RFX7: variants seen among roughly 807,000 people sequenced by gnomAD.
The protein encoded by RFX7 is regulatory factor X7.
In RFX7, 26 loss-of-function variants were observed where a neutral mutation model predicts 111.8. The ratio of observed to expected loss-of-function variants is 0.23; its 90% CI spans 0.17 to 0.32. The LOEUF (loss-of-function observed/expected upper bound fraction) is 0.32, where lower values mean the gene tolerates loss of function less well. Ranked by LOEUF, RFX7 falls within the 10% of genes least tolerant of loss-of-function variation. The pLI, the probability that RFX7 is intolerant of heterozygous loss-of-function variation, is 1.00. For missense variants in RFX7, 1,573 were observed against 1,772.9 expected (o/e 0.89, Z 2.02); for synonymous variants, 624 against 624.4 (o/e 1.00, Z 0.01).
At chr15:56,154,076 A>C (rs1161095955) in intron 3 of RFX7, among the ~76,000 whole-genome samples, 1 of 152,204 alleles carries the variant, frequency 6.6e-6, no homozygotes, top group Non-Finnish European at 1.5e-5. Flanking sequence ...ACAACTTACA[A>C]GGGACGTGAA....
At chr15:56,098,953 G>C (rs1443895496) in intron 8 of RFX7, among the ~76,000 whole-genome samples, 1 of 152,080 alleles carries the variant, frequency 6.6e-6, no homozygotes, top group Non-Finnish European at 1.5e-5. Context: ...ATTCCAGTAT[G>C]ACCTAGAAGA....
chr15:56,220,600 T>C (rs1319826842), intron 2 of RFX7, among the ~76,000 whole-genome samples: 2 of 152,130 alleles, frequency 1.3e-5, no homozygotes, highest in Non-Finnish European at 2.9e-5. Flanking sequence ...GTCAGATGCA[T>C]AGTTTGCAAA....
At chr15:56,182,257 G>C (rs985593902) in intron 2 of RFX7, among the ~76,000 whole-genome samples, 2 of 151,562 alleles carry the variant, frequency 1.3e-5, no homozygotes, top group Admixed American at 1.3e-4. Flanking sequence ...CCATGAATTT[G>C]GTCCCTGGTG....
At chr15:56,112,116 GAAAAA>G (rs754438474) in intron 5 of RFX7, among the ~76,000 whole-genome samples, 1 of 95,720 alleles carries the variant, frequency 1.0e-5, no homozygotes, top group Non-Finnish European at 2.2e-5. Flanking sequence ...CTTTGCCCCA[GAAAAA>G]AAAAAAAAAA....
chr15:56,103,063 G>C (rs2041778675), intron 6 of RFX7, among the ~76,000 whole-genome samples: 1 of 151,334 alleles, frequency 6.6e-6, no homozygotes, highest in Non-Finnish European at 1.5e-5. Context: ...TTTAATATGG[G>C]CTTTAAATGG....
intron 5 of RFX7, among the ~76,000 whole-genome samples, chr15:56,141,382 A>T (rs2042390731): frequency 6.6e-6 from 1 of 151,802 alleles, no homozygotes; most frequent in Admixed American, 6.6e-5. Flanking sequence ...ACAAACAAAC[A>T]AACAAACAAA....
chr15:56,193,949 C>T (rs1269127575), intron 2 of RFX7, among the ~76,000 whole-genome samples: 2 of 151,978 alleles, frequency 1.3e-5, no homozygotes, highest in East Asian at 3.9e-4. Flanking sequence ...CACAAAAATA[C>T]CATGTAACAT....
chr15:56,166,350 A>G (rs2042781803), intron 3 of RFX7, among the ~76,000 whole-genome samples: 1 of 152,206 alleles, frequency 6.6e-6, no homozygotes, highest in Non-Finnish European at 1.5e-5. Context: ...CAAAATATAT[A>G]GCCCTCTTAA....
chr15:56,093,997 G>T lies in RFX7; in HGVS notation c.3731C>A (p.Ala1244Glu), dbSNP rs544258393. 11 of 1,613,932 alleles carry T rather than the reference G, an allele frequency of 6.8e-6. No homozygotes were observed. The highest frequency in any genetic ancestry group is 9.3e-6 in the Non-Finnish European group (11 of 1,179,860). The change falls in exon 10 of 10, where the codon GCA becomes GAA. Residue 1244 changes from alanine to glutamate, a missense_variant. Around this residue, in one of 7 missense-constraint regions of RFX7, gnomAD observed 411 missense variants for 478.1 expected, o/e 0.86. Transcript: ENST00000559447. ...AACATTGGTTATTTTTTTACTGTTTGCTTGCTTCTGAAGAGCGTTTGGGAA... is the reference window on the plus strand; with the variant it reads ...AACATTGGTTATTTTTTTACTGTTTTCTTGCTTCTGAAGAGCGTTTGGGAA... ...TAFPNALQKQ[A>E]NSKKITNVLL...
chr15:56,219,409 A>C (rs1043855710), intron 2 of RFX7, among the ~76,000 whole-genome samples: 2 of 152,132 alleles, frequency 1.3e-5, no homozygotes, highest in East Asian at 3.8e-4. Context: ...GTACACGTGC[A>C]GGTCTGTTAT....
intron 2 of RFX7, among the ~76,000 whole-genome samples, chr15:56,211,429 T>C (rs1303249733): frequency 6.6e-6 from 1 of 152,114 alleles, no homozygotes; most frequent in Non-Finnish European, 1.5e-5. Flanking sequence ...CAGACCTACA[T>C]GTAAAATGCA....
chr15:56,233,519 T>G (rs1330859720), intron 2 of RFX7, among the ~76,000 whole-genome samples: 1 of 151,916 alleles, frequency 6.6e-6, no homozygotes, highest in Non-Finnish European at 1.5e-5. Flanking sequence ...TAAGCTACAC[T>G]GCAAACTGGG....
chr15:56,233,872 C>T (rs1209727160), intron 2 of RFX7, among the ~76,000 whole-genome samples: 1 of 152,142 alleles, frequency 6.6e-6, no homozygotes, highest in Non-Finnish European at 1.5e-5. Flanking sequence ...TACATCGAAA[C>T]TTAACATGAG....
At chr15:56,218,982 A>G (rs1023634329) in intron 2 of RFX7, among the ~76,000 whole-genome samples, 1 of 152,220 alleles carries the variant, frequency 6.6e-6, no homozygotes, top group Non-Finnish European at 1.5e-5. Flanking sequence ...TAGATAAAAA[A>G]GTAGTGAGCA....
At chr15:56,130,800 C>CA (rs1441028734) in intron 5 of RFX7, among the ~76,000 whole-genome samples, 4 of 151,522 alleles carry the variant, frequency 2.6e-5, no homozygotes, top group Non-Finnish European at 5.9e-5. Context: ...ATTCAATGTA[C>CA]AAAACTAGAA....
At chr15:56,149,039 C>T (rs367656101) in intron 3 of RFX7, among the ~76,000 whole-genome samples, 65 of 150,332 alleles carry the variant, frequency 4.3e-4, no homozygotes, top group Middle Eastern at 3.4e-3. Context: ...GCTGAGATTG[C>T]GCCACTGCAC....
chr15:56,215,120 TCAAATGGCA>T lies in RFX7; in HGVS notation c.161+27996_161+28004del, dbSNP rs781547049. ...TCTGCAGATGCTTACATCTCTTTTA[TCAAATGGCA>T]CAGTATTTGCATATAACCTATGCAC... On this transcript the variant is annotated intron_variant, in intron 2 of 9. Transcript: ENST00000559447. Among the ~76,000 whole-genome samples the T allele has an allele frequency of 1.4e-4, 21 of 152,352 alleles. No individual in the cohort carries two copies. In the South Asian group the frequency reaches 2.1e-3, roughly 15 times the overall value.
intron 3 of RFX7, among the ~76,000 whole-genome samples, chr15:56,159,379 C>A (rs1409363890): frequency 6.6e-6 from 1 of 152,118 alleles, no homozygotes; most frequent in African/African-American, 2.4e-5. Context: ...GGTTGGAATA[C>A]CACAAGAGCA....
At chr15:56,218,501 G>A (rs1336757288) in intron 2 of RFX7, among the ~76,000 whole-genome samples, 1 of 152,140 alleles carries the variant, frequency 6.6e-6, no homozygotes, top group Non-Finnish European at 1.5e-5. Context: ...TTTACATAAG[G>A]AATTTGAACA....
Sources: allele counts gnomAD v4.1 joint callset (sites outside exome capture counted in the v4.1 genomes callset), GRCh38; gene constraint gnomAD v4.1.1; regional missense constraint gnomAD v4.1.1; transcripts MANE v1.5; gene names NCBI Gene and HGNC (gene_info 2026-07-23, HGNC 2026-07-21).